ALKBH5: variants seen among roughly 807,000 people sequenced by gnomAD.
ALKBH5 encodes the protein alkB homolog 5, RNA demethylase, also known as RNA demethylase ALKBH5.
A neutral mutation model predicts 32.1 loss-of-function variants in ALKBH5; 2 were observed. The observed-to-expected ratio is 0.06, with a 90% CI of 0.03 to 0.20. The LOEUF is 0.20. Ranked by LOEUF, ALKBH5 falls within the 10% of genes least tolerant of loss-of-function variation. ALKBH5 has a pLI of 1.00. For synonymous variants in ALKBH5, 300 were observed against 231.7 expected, an observed-to-expected ratio of 1.29 and a Z score of -2.68; for missense variants, 352 against 559.5, an observed-to-expected ratio of 0.63 and a Z score of 3.74.
intron 2 of ALKBH5, among the ~76,000 whole-genome samples, chr17:18,199,323 T>C (rs2142482409): frequency 6.6e-6 from 1 of 152,362 alleles, no homozygotes; most frequent in African/African-American, 2.4e-5. Context: ...GACCTAACCT[T>C]ACTGGAGGTG....
intron 2 of ALKBH5, among the ~76,000 whole-genome samples, chr17:18,202,793 G>A (rs772944892): frequency 4.3e-4 from 65 of 151,828 alleles, no homozygotes; most frequent in Non-Finnish European, 8.2e-4. Flanking sequence ...AAAAAAATTA[G>A]GGCCGGGCAC....
Position 18,208,809 on chromosome 17 carries a change from T to G in ALKBH5, c.*413T>G. On this transcript the variant is annotated 3_prime_UTR_variant, in exon 4 of 4. Coordinates refer to ENST00000399138, the MANE Select transcript of ALKBH5 (RefSeq NM_017758.4). ...GCAGTGTTCTAAACAAAGTTCAGTC[T>G]TCTGCTCGCCCCTTTCCCTCACTGA... 3.2e-6 allele frequency: 1 copy of G among 315,022 alleles called. No individual in the cohort carries two copies. Among genetic ancestry groups the G allele is most frequent in the South Asian group, 2.6e-5 (1 of 38,400 alleles). The allele number at this position is 315,022 out of a possible 1,614,324, so 19.5% of individuals were successfully genotyped here. A position where few individuals can be genotyped will look rare whatever the true frequency, so the allele number is the denominator to read the frequency against.
At chr17:18,185,187 G>C (rs1361972781) in intron 1 of ALKBH5, among the ~76,000 whole-genome samples, 174 bp downstream of exon 1, 2 of 152,170 alleles carry the variant, frequency 1.3e-5, no homozygotes, top group East Asian at 3.9e-4. Flanking sequence ...CCTATAGCAA[G>C]AAAATAGGGA....
chr17:18,207,107 G>C lies in ALKBH5; in HGVS notation c.1007+137G>C, dbSNP rs1438770071. 3 of 1,234,466 alleles carry C rather than the reference G, an allele frequency of 2.4e-6. No homozygotes were observed. In the African/African-American group the frequency reaches 4.5e-5, roughly 19 times the overall value. The allele number at this position is 1,234,466 out of a possible 1,614,324, so 76.5% of individuals were successfully genotyped here. A position where few individuals can be genotyped will look rare whatever the true frequency, so the allele number is the denominator to read the frequency against. On this transcript the variant is annotated intron_variant, in intron 3 of 3. Transcript: ENST00000399138. ...AAAACCTTATGTCTGGTTCCTCTGGGTTGGTGGCATTGGTGACATTCCCAT... is the reference window on the plus strand; with the variant it reads ...AAAACCTTATGTCTGGTTCCTCTGGCTTGGTGGCATTGGTGACATTCCCAT...
rs534578100 is a variant in ALKBH5, at chr17:18,184,813, C to G, written c.570C>G (p.Ala190=). 3.1e-6 allele frequency: 5 copies of G among 1,614,114 alleles called. No homozygotes were observed. The highest frequency in any genetic ancestry group is 4.2e-6 in the Non-Finnish European group (5 of 1,180,004). ...RVIPEGFVNS[A]VINDYQPGGC... Reference sequence around the variant, plus strand: ...TCCCCGAGGGCTTCGTCAACAGCGCCGTCATCAACGACTACCAGCCCGGCG... The same window carrying G: ...TCCCCGAGGGCTTCGTCAACAGCGCGGTCATCAACGACTACCAGCCCGGCG... The change falls in exon 1 of 4, where the codon GCC becomes GCG. Residue 190 remains alanine, a synonymous_variant. Transcript: ENST00000399138.
intron 2 of ALKBH5, among the ~76,000 whole-genome samples, chr17:18,206,374 C>A (rs2047269097): frequency 6.6e-6 from 1 of 152,182 alleles, no homozygotes; most frequent in African/African-American, 2.4e-5. Context: ...AGCTCTGGCT[C>A]TCTTTCTCTC....
At position 18,184,124 on chromosome 17, in the gene ALKBH5, G is replaced by T. The variant is rs1399535773; in HGVS notation, c.-120G>T. On this transcript the variant is annotated 5_prime_UTR_variant, in exon 1 of 4. Transcript: ENST00000399138. ...GCCCCCCGCCGGGTCCCCCACTCACGCATGGGGGTTCGGCGCTAAGGACCC... is the reference window on the plus strand; with the variant it reads ...GCCCCCCGCCGGGTCCCCCACTCACTCATGGGGGTTCGGCGCTAAGGACCC... 6.5e-6 allele frequency: 6 copies of T among 917,176 alleles called. No homozygotes were observed. Among genetic ancestry groups the T allele is most frequent in the South Asian group, 1.5e-5 (1 of 66,502 alleles). 56.8% of individuals were successfully genotyped at this position (917,176 alleles called of 1,614,324 possible). A position where few individuals can be genotyped will look rare whatever the true frequency, so the allele number is the denominator to read the frequency against.
Position 18,184,441 on chromosome 17 carries a change from C to T in ALKBH5, c.198C>T (p.Pro66=), listed in dbSNP as rs370188460. 128 of 1,605,248 alleles carry T rather than the reference C, an allele frequency of 8.0e-5. No individual in the cohort carries two copies. Among genetic ancestry groups the T allele is most frequent in the Admixed American group, 3.4e-4 (20 of 58,246 alleles). ...AKRKYQEDSD[P]ERSDYEEQQL... ...GCAAGTATCAGGAGGACTCGGACCC[C>T]GAGCGCAGCGACTATGAGGAGCAGC... Residue 66 remains proline, a synonymous_variant, in exon 1 of 4, where the codon CCC becomes CCT. Coordinates refer to ENST00000399138, the MANE Select transcript of ALKBH5 (RefSeq NM_017758.4).
chr17:18,206,917 T>C lies in ALKBH5; in HGVS notation c.954T>C (p.Pro318=), dbSNP rs1490822575. 6.2e-7 allele frequency: 1 copy of C among 1,614,278 alleles called. No homozygotes were observed. The highest frequency in any genetic ancestry group is 1.3e-5 in the African/African-American group (1 of 75,078). Residue 318 remains proline (P), a synonymous_variant, in exon 3 of 4, where the codon CCT becomes CCC. Coordinates refer to ENST00000399138, the MANE Select transcript of ALKBH5 (RefSeq NM_017758.4). ...SDRLSGNNRD[P]ALKPKRSHRK... is the part of the protein sequence containing the mutation. Reference sequence around the variant, plus strand: ...GCCTGTCAGGAAACAACAGGGACCCTGCTCTGAAACCCAAGCGGTCCCACC... The same window carrying C: ...GCCTGTCAGGAAACAACAGGGACCCCGCTCTGAAACCCAAGCGGTCCCACC...
At position 18,208,332 on chromosome 17, in the gene ALKBH5, CCTCAGAGGACTG is replaced by C. The variant is rs1444327501; in HGVS notation, c.1125_1136del (p.Asp377_Glu380del). On this transcript the variant is annotated inframe_deletion, in exon 4 of 4. Coordinates refer to ENST00000399138, the MANE Select transcript of ALKBH5 (RefSeq NM_017758.4). ...AACTACTGGCGCAAGTCATACGAGTCCTCAGAGGACTGCTCTGAGGCAGCAGGCAGCCCTGCC... is the reference window on the plus strand; with the variant it reads ...AACTACTGGCGCAAGTCATACGAGTCCTCTGAGGCAGCAGGCAGCCCTGCC... The C allele has an allele frequency of 6.2e-7, 1 of 1,613,986 alleles. No homozygotes were observed. The highest frequency in any genetic ancestry group is 8.5e-7 in the Non-Finnish European group (1 of 1,180,012).
intron 2 of ALKBH5, among the ~76,000 whole-genome samples, chr17:18,206,175 C>T (rs935126485): frequency 1.3e-5 from 2 of 152,172 alleles, no homozygotes; most frequent in Admixed American, 1.3e-4. Context: ...TCCTTGAAAC[C>T]TATGGCTACA....
At chr17:18,194,576 C>G (rs2047195477) in intron 1 of ALKBH5, among the ~76,000 whole-genome samples, 1 of 152,174 alleles carries the variant, frequency 6.6e-6, no homozygotes, top group African/African-American at 2.4e-5. Context: ...TGACTCAGTG[C>G]TATCAGTGGC....
intron 2 of ALKBH5, among the ~76,000 whole-genome samples, chr17:18,204,222 C>T (rs925469921): frequency 1.2e-4 from 18 of 151,290 alleles, no homozygotes; most frequent in Middle Eastern, 3.5e-3. Context: ...GAAGCCAGGA[C>T]GGGCAGATCA....
chr17:18,208,488 GTTTTT>G lies in ALKBH5; in HGVS notation c.*93_*97del. On this transcript the variant is annotated 3_prime_UTR_variant, in exon 4 of 4. Transcript: ENST00000399138. ...GGGTTTTGTTTTTGTTCATTGGGGG[GTTTTT>G]GTTTTTTGTTTTTTGTTTTTTTTGA... The G allele has an allele frequency of 1.6e-6, 2 of 1,276,042 alleles. No individual in the cohort carries two copies. Among genetic ancestry groups the G allele is most frequent in the Non-Finnish European group, 2.2e-6 (2 of 901,774 alleles). 79.0% of individuals were successfully genotyped at this position (1,276,042 alleles called of 1,614,324 possible). A position where few individuals can be genotyped will look rare whatever the true frequency, so the allele number is the denominator to read the frequency against.
At chr17:18,197,475 A>G (rs2047210969) in intron 2 of ALKBH5, among the ~76,000 whole-genome samples, 1 of 152,176 alleles carries the variant, frequency 6.6e-6, no homozygotes, top group Non-Finnish European at 1.5e-5. Flanking sequence ...GGAACTTCTA[A>G]TGTTACATAG....
intron 2 of ALKBH5, among the ~76,000 whole-genome samples, chr17:18,203,200 G>T (rs1198589916): frequency 6.6e-6 from 1 of 152,082 alleles, no homozygotes; most frequent in Non-Finnish European, 1.5e-5. Context: ...GATTACAGGT[G>T]TGAGCCACTG....
chr17:18,205,177 C>T (rs999709618), intron 2 of ALKBH5, among the ~76,000 whole-genome samples: 1 of 152,364 alleles, frequency 6.6e-6, no homozygotes, highest in Admixed American at 6.5e-5. Flanking sequence ...CTTAGACCCT[C>T]AGCGCAAAGA....
rs965167727 is a variant in ALKBH5 at position 18,208,799 on chromosome 17, A to G, written c.*403A>G. 5 of 319,746 alleles carry G rather than the reference A, an allele frequency of 1.6e-5. No homozygotes were observed. The highest frequency in any genetic ancestry group is 3.0e-5 in the Non-Finnish European group (5 of 166,400). 19.8% of individuals were successfully genotyped at this position (319,746 alleles called of 1,614,324 possible). On this transcript the variant is annotated 3_prime_UTR_variant, in exon 4 of 4. Transcript: ENST00000399138. ...GTAAATCTTCGCAGTGTTCTAAACA[A>G]AGTTCAGTCTTCTGCTCGCCCCTTT...
intron 1 of ALKBH5, among the ~76,000 whole-genome samples, chr17:18,189,419 G>A (rs1033099178): frequency 4.6e-5 from 7 of 152,180 alleles, no homozygotes; most frequent in African/African-American, 1.7e-4. Context: ...TTCAGAGCTG[G>A]CTGGCCAGTT....
Sources: gnomAD v4.1 joint callset for allele counts (sites outside exome capture counted in the v4.1 genomes callset) on GRCh38, gnomAD v4.1.1 for gene constraint, MANE v1.5 for transcripts, NCBI Gene and HGNC (gene_info 2026-07-23, HGNC 2026-07-21) for gene names.